The following CNBD1 variants were observed in gnomAD, a reference collection of about 807,000 sequenced individuals.
CNBD1 encodes the protein cyclic nucleotide-binding domain-containing protein 1.
Under a neutral mutation model 54.4 loss-of-function variants are expected in CNBD1, and 71 were observed. The observed-to-expected ratio is 1.30, with a 90% CI of 1.08 to 1.59. CNBD1 has a LOEUF of 1.59. Ranked by LOEUF, CNBD1 falls within the 40% of genes most tolerant of loss-of-function variation. The pLI, the probability that CNBD1 is intolerant of heterozygous loss-of-function variation, is 0.00. For missense variants in CNBD1, 659 were observed against 518.0 expected (o/e 1.27, Z -2.64); for synonymous variants, 182 against 170.7 (o/e 1.07, Z -0.51).
intron 1 of CNBD1, among the ~76,000 whole-genome samples, chr8:86,875,764 T>C (rs541810628): frequency 6.6e-6 from 1 of 152,294 alleles, no homozygotes; most frequent in African/African-American, 2.4e-5. Flanking sequence ...CTTTTTTCAA[T>C]TTAAGCTGCT....
chr8:87,395,933 G>A (rs550768150), intron 2 of CNBD1, among the ~76,000 whole-genome samples: 4 of 151,896 alleles, frequency 2.6e-5, no homozygotes, highest in African/African-American at 7.2e-5. Context: ...CCTTACTGCC[G>A]CCATGTGAAG....
intron 6 of CNBD1, among the ~76,000 whole-genome samples, chr8:87,281,789 T>G (rs974291121): frequency 6.6e-6 from 1 of 150,974 alleles, no homozygotes; most frequent in African/African-American, 2.4e-5. Flanking sequence ...TCCAGAGTTA[T>G]AAATGAAAGT....
chr8:86,929,277 G>A (rs1809417316), intron 3 of CNBD1, among the ~76,000 whole-genome samples: 1 of 152,120 alleles, frequency 6.6e-6, no homozygotes, highest in South Asian at 2.1e-4. Context: ...TTTCCATATT[G>A]TACCATGGGC....
chr8:86,992,434 C>T (rs1325042819), intron 4 of CNBD1, among the ~76,000 whole-genome samples: 6 of 152,100 alleles, frequency 3.9e-5, no homozygotes, highest in Non-Finnish European at 5.9e-5. Context: ...GGTTGCCACT[C>T]TATGTCTTAA....
chr8:87,083,262 T>C (rs542461695), intron 4 of CNBD1, among the ~76,000 whole-genome samples: 96 of 152,308 alleles, frequency 6.3e-4, no homozygotes, highest in African/African-American at 2.2e-3. Context: ...TGCACCTGTA[T>C]ATAATCTCTA....
chr8:87,151,212 C>G (rs1054937632), intron 4 of CNBD1, among the ~76,000 whole-genome samples: 4 of 152,152 alleles, frequency 2.6e-5, no homozygotes, highest in African/African-American at 9.7e-5. Flanking sequence ...TTGAAAATTA[C>G]CAGGAGCATC....
At chr8:87,059,059 A>C (rs1810486282) in intron 4 of CNBD1, among the ~76,000 whole-genome samples, 1 of 152,170 alleles carries the variant, frequency 6.6e-6, no homozygotes, top group African/African-American at 2.4e-5. Flanking sequence ...TCTCTAGGGC[A>C]GGGGCAAAAA....
At chr8:87,000,766 C>T (rs1214670659) in intron 4 of CNBD1, among the ~76,000 whole-genome samples, 1 of 152,112 alleles carries the variant, frequency 6.6e-6, no homozygotes, top group East Asian at 1.9e-4. Flanking sequence ...CATCTTATGG[C>T]ATTTATTGTT....
chr8:86,898,457 G>A (rs996480467), intron 2 of CNBD1, among the ~76,000 whole-genome samples: 1 of 152,090 alleles, frequency 6.6e-6, no homozygotes, highest in Non-Finnish European at 1.5e-5. Flanking sequence ...AGACAGTGTG[G>A]TATTAGCAAA....
At chr8:87,207,227 G>T (rs989654299) in intron 5 of CNBD1, among the ~76,000 whole-genome samples, 1 of 151,986 alleles carries the variant, frequency 6.6e-6, no homozygotes, top group Non-Finnish European at 1.5e-5. Flanking sequence ...ATAAATCACT[G>T]AAAACATATT....
intron 4 of CNBD1, among the ~76,000 whole-genome samples, chr8:86,941,963 G>A (rs1807327203): frequency 6.6e-6 from 1 of 152,130 alleles, no homozygotes; most frequent in Admixed American, 6.5e-5. Flanking sequence ...CCTTTCAGTG[G>A]CTCAGAATTG....
At chr8:86,929,059 G>T (rs1809413814) in intron 3 of CNBD1, among the ~76,000 whole-genome samples, 1 of 152,156 alleles carries the variant, frequency 6.6e-6, no homozygotes, top group Non-Finnish European at 1.5e-5. Flanking sequence ...CCTTCCATAG[G>T]TATTTCTAAT....
At position 86,898,350 on chromosome 8, in the gene CNBD1, C is replaced by A. The variant is rs62661660; in HGVS notation, c.159-6731C>A. Among the ~76,000 whole-genome samples, 6 of 67,296 alleles carry A rather than the reference C, an allele frequency of 8.9e-5. No individual in the cohort carries two copies. The South Asian group carries it at 2.3e-3, about 26-fold the overall frequency. The allele number at this position is 67,296 out of a possible 152,430, so 44.1% of individuals were successfully genotyped here. A position where few individuals can be genotyped will look rare whatever the true frequency, so the allele number is the denominator to read the frequency against. ...GTAACTTACATTGTTTTCAATTTTA[C>A]AAGAGATTTTTCTCTTGCTTGTATA... On this transcript the variant is annotated intron_variant, in intron 2 of 10. Transcript: ENST00000518476.
At chr8:87,048,200 C>A (rs562845237) in intron 4 of CNBD1, among the ~76,000 whole-genome samples, 11 of 152,202 alleles carry the variant, frequency 7.2e-5, no homozygotes, top group African/African-American at 2.6e-4. Flanking sequence ...TAAATAAGGG[C>A]AGTCCTATTT....
chr8:86,999,225 C>T (rs960659051), intron 4 of CNBD1, among the ~76,000 whole-genome samples: 4 of 152,188 alleles, frequency 2.6e-5, no homozygotes, highest in Non-Finnish European at 5.9e-5. Context: ...TTCTTCCCCT[C>T]TTGGGGTCCA....
At chr8:87,427,201 A>G (rs542848688) in intron 2 of CNBD1, among the ~76,000 whole-genome samples, 14 of 152,112 alleles carry the variant, frequency 9.2e-5, no homozygotes, top group Middle Eastern at 3.4e-3. Context: ...AGTCTGCTAC[A>G]TTATCTTGTA....
intron 4 of CNBD1, among the ~76,000 whole-genome samples, chr8:87,120,439 T>C (rs1455744449): frequency 1.3e-5 from 2 of 151,982 alleles, no homozygotes; most frequent in African/African-American, 4.8e-5. Context: ...CTTTCTGATA[T>C]TGTTTATTTG....
intron 4 of CNBD1, among the ~76,000 whole-genome samples, chr8:87,027,341 G>A (rs1340165436): frequency 1.3e-5 from 2 of 151,842 alleles, no homozygotes; most frequent in East Asian, 3.9e-4. Flanking sequence ...GCGTGATCTC[G>A]GCTCACTGCA....
chr8:87,389,973 A>G (rs888420789), intron 2 of CNBD1, among the ~76,000 whole-genome samples: 4 of 151,300 alleles, frequency 2.6e-5, no homozygotes, highest in Non-Finnish European at 5.9e-5. Context: ...TCTTTGACAA[A>G]CCTGAGAAAA....
Sources: gnomAD v4.1 joint callset for allele counts (sites outside exome capture counted in the v4.1 genomes callset) on GRCh38, gnomAD v4.1.1 for gene constraint, MANE v1.5 for transcripts, NCBI Gene and HGNC (gene_info 2026-07-23, HGNC 2026-07-21) for gene names.